LRRC4C: variants seen among roughly 807,000 people sequenced by gnomAD.
The protein encoded by LRRC4C is leucine-rich repeat-containing protein 4C.
In LRRC4C, 5 loss-of-function variants were observed where a neutral mutation model predicts 33.6. That is an observed-to-expected ratio of 0.15 (90% confidence interval 0.08 to 0.31). The LOEUF is 0.31. Ranked by LOEUF, LRRC4C falls within the 10% of genes least tolerant of loss-of-function variation. LRRC4C has a pLI of 1.00. For synonymous variants in LRRC4C, 329 were observed against 302.0 expected (o/e 1.09, Z -0.93); for missense variants, 560 against 796.7 (o/e 0.70, Z 3.58).
At chr11:40,906,843 AG>A (rs1486815905) in intron 2 of LRRC4C, among the ~76,000 whole-genome samples, 7 of 152,212 alleles carry the variant, frequency 4.6e-5, no homozygotes, top group Middle Eastern at 3.2e-3. Context: ...ACACAGAAAA[AG>A]AAAAGATAAA....
At chr11:40,617,513 C>A (rs974318651) in intron 3 of LRRC4C, among the ~76,000 whole-genome samples, 3 of 151,518 alleles carry the variant, frequency 2.0e-5, no homozygotes, top group African/African-American at 7.3e-5. Context: ...GAGCCTAGTC[C>A]CTTACTTCAA....
chr11:40,359,384 T>C (rs186418850), intron 3 of LRRC4C, among the ~76,000 whole-genome samples: 2 of 152,264 alleles, frequency 1.3e-5, no homozygotes, highest in East Asian at 1.9e-4. Flanking sequence ...AGCATCCCAG[T>C]AGTATGAGTT....
chr11:40,305,896 T>G (rs564945374), intron 4 of LRRC4C, among the ~76,000 whole-genome samples: 1 of 152,340 alleles, frequency 6.6e-6, no homozygotes, highest in African/African-American at 2.4e-5. Context: ...ATTAGTCATA[T>G]TTGCTGTTAT....
rs190561031 is a variant in LRRC4C at position 40,845,000 on chromosome 11, A to T, written c.-407+88635T>A. ...AGCTAGGGTTTCTTTTGTTTTCTTTAAAAATGTATACATATTTTAAAACAT... is the reference window on the plus strand; with the variant it reads ...AGCTAGGGTTTCTTTTGTTTTCTTTTAAAATGTATACATATTTTAAAACAT... On this transcript the variant is annotated intron_variant, in intron 2 of 6. Coordinates refer to ENST00000528697, the MANE Select transcript of LRRC4C (RefSeq NM_001258419.2). 4.7e-3 allele frequency among the ~76,000 whole-genome samples: 714 copies of T among 152,070 alleles called. 3 individuals carry two copies. The highest frequency in any genetic ancestry group is 0.016 in the African/African-American group (677 of 41,496).
intron 2 of LRRC4C, among the ~76,000 whole-genome samples, chr11:40,664,770 A>C (rs1385010849): frequency 6.6e-6 from 1 of 151,952 alleles, no homozygotes; most frequent in African/African-American, 2.4e-5. Flanking sequence ...TGTTTTTTTA[A>C]TATATATATA....
intron 5 of LRRC4C, among the ~76,000 whole-genome samples, chr11:40,146,895 C>T (rs1023374294): frequency 4.1e-4 from 62 of 152,096 alleles, no homozygotes; most frequent in African/African-American, 1.4e-3. Context: ...TTGGGTATAG[C>T]GCTTTCTAGG....
chr11:40,129,722 C>A (rs1366854653), intron 6 of LRRC4C, among the ~76,000 whole-genome samples: 1 of 152,092 alleles, frequency 6.6e-6, no homozygotes, highest in African/African-American at 2.4e-5. Context: ...TCATTTGAAC[C>A]ATTTATTTAA....
chr11:40,780,963 C>T (rs1001114169), intron 2 of LRRC4C, among the ~76,000 whole-genome samples: 3 of 152,018 alleles, frequency 2.0e-5, no homozygotes, highest in Non-Finnish European at 2.9e-5. Flanking sequence ...AGTCATGGGT[C>T]ACTTACTGAC....
At chr11:41,353,136 CTAA>C (rs1476914071) in intron 1 of LRRC4C, among the ~76,000 whole-genome samples, 1 of 151,566 alleles carries the variant, frequency 6.6e-6, no homozygotes, top group African/African-American at 2.4e-5. Context: ...GTTAAATAGA[CTAA>C]TAAGAAAAGA....
intron 1 of LRRC4C, among the ~76,000 whole-genome samples, chr11:41,390,993 A>AG (rs1953568031): frequency 6.6e-6 from 1 of 151,652 alleles, no homozygotes; most frequent in African/African-American, 2.4e-5. Context: ...TAAAAAAAAA[A>AG]AAAAAGTGTC....
intron 5 of LRRC4C, among the ~76,000 whole-genome samples, chr11:40,155,894 AC>A (rs1165602785): frequency 6.6e-6 from 1 of 152,134 alleles, no homozygotes; most frequent in East Asian, 1.9e-4. Flanking sequence ...AAAGGACACA[AC>A]CAAAAAAGAA....
At chr11:40,336,246 C>T (rs970182571) in intron 3 of LRRC4C, among the ~76,000 whole-genome samples, 5 of 152,068 alleles carry the variant, frequency 3.3e-5, no homozygotes, top group South Asian at 2.1e-4. Context: ...TGACAGACCG[C>T]GGAACTGCAT....
intron 5 of LRRC4C, among the ~76,000 whole-genome samples, chr11:40,162,574 C>T (rs180726231): frequency 1.4e-4 from 22 of 152,186 alleles, no homozygotes; most frequent in East Asian, 9.7e-4. Flanking sequence ...TCCACCTCCC[C>T]GTTAGATGGT....
intron 3 of LRRC4C, among the ~76,000 whole-genome samples, chr11:40,525,176 G>A (rs1044469966): frequency 5.9e-5 from 9 of 152,160 alleles, no homozygotes; most frequent in Non-Finnish European, 1.0e-4. Context: ...GCCGGGCGCC[G>A]TGGCTCACAC....
chr11:40,471,994 G>C (rs1265944879), intron 3 of LRRC4C, among the ~76,000 whole-genome samples: 2 of 152,074 alleles, frequency 1.3e-5, no homozygotes, highest in Non-Finnish European at 2.9e-5. Flanking sequence ...TGAGAACTCA[G>C]GATTAAGAAA....
chr11:40,589,110 C>G (rs1958909248), intron 3 of LRRC4C, among the ~76,000 whole-genome samples: 1 of 152,090 alleles, frequency 6.6e-6, no homozygotes, highest in Non-Finnish European at 1.5e-5. Flanking sequence ...GTGCGGGAGT[C>G]TAAGTCTCTT....
At chr11:40,858,018 G>GAAGGGAAGGGAAGGC (rs1953883699) in intron 2 of LRRC4C, among the ~76,000 whole-genome samples, 1 of 112,164 alleles carries the variant, frequency 8.9e-6, no homozygotes, top group Non-Finnish European at 1.9e-5. Context: ...ACAAGGAAAG[G>GAAGGGAAGGGAAGGC]AAGGGAAGGG....
At chr11:41,123,625 A>G (rs1301184250) in intron 1 of LRRC4C, among the ~76,000 whole-genome samples, 12 of 152,098 alleles carry the variant, frequency 7.9e-5, no homozygotes, top group African/African-American at 2.9e-4. Context: ...TGTCCTCAGA[A>G]GAACACAGGA....
intron 4 of LRRC4C, among the ~76,000 whole-genome samples, chr11:40,275,626 G>A (rs772593101): frequency 1.3e-5 from 2 of 152,132 alleles, no homozygotes; most frequent in African/African-American, 2.4e-5. Flanking sequence ...CTCAGCAAAA[G>A]AGAGTTTCTT....
Sources: allele counts gnomAD v4.1 joint callset (sites outside exome capture counted in the v4.1 genomes callset), GRCh38; gene constraint gnomAD v4.1.1; transcripts MANE v1.5; gene names NCBI Gene and HGNC (gene_info 2026-07-23, HGNC 2026-07-21).